The following GDAP1L1 variants were observed in gnomAD, a reference collection of about 807,000 sequenced individuals.
The protein encoded by GDAP1L1 is ganglioside-induced differentiation-associated protein 1-like 1.
In GDAP1L1, 21 loss-of-function variants were observed where a neutral mutation model predicts 37.1. That is an observed-to-expected ratio of 0.57 (90% CI 0.40 to 0.81). The LOEUF (loss-of-function observed/expected upper bound fraction) is 0.81, where lower values mean the gene tolerates loss of function less well. GDAP1L1 is among the 40% of genes least tolerant of loss of function. The probability of loss-of-function intolerance (pLI) is 0.00; values close to 1 mark genes in which losing one functional copy is unlikely to be tolerated. For synonymous variants in GDAP1L1, 193 were observed against 209.1 expected (o/e 0.92, Z 0.67); for missense variants, 362 against 491.6 (o/e 0.74, Z 2.49).
chr20:44,247,446 A>G lies in GDAP1L1; in HGVS notation c.112A>G (p.Ser38Gly), dbSNP rs2073351058. 6.2e-7 allele frequency: 1 copy of G among 1,607,482 alleles called. No individual in the cohort carries two copies. The highest frequency in any genetic ancestry group is 1.7e-5 in the Admixed American group (1 of 59,438). ...GGCCCCCGACGCTCCCGAGGCGGCC[A>G]GCCCCGCCCATTGGCCCAGGGAGAG... ...AEAPDAPEAASPAHWPRESLV... is the reference protein window; with the variant it reads ...AEAPDAPEAAGPAHWPRESLV... The change falls in exon 1 of 6, where the codon AGC (serine) becomes GGC (glycine). Residue 38 changes from serine to glycine, a missense_variant. Transcript: ENST00000342560.
chr20:44,264,002 T>G (rs1003099411), intron 4 of GDAP1L1, among the ~76,000 whole-genome samples: 3 of 152,096 alleles, frequency 2.0e-5, no homozygotes, highest in Non-Finnish European at 4.4e-5. Context: ...CTCAATTGAT[T>G]CCACAGGAAG....
intron 5 of GDAP1L1, among the ~76,000 whole-genome samples, chr20:44,278,168 A>G (rs1349906926): frequency 8.6e-5 from 13 of 151,500 alleles, no homozygotes; most frequent in African/African-American, 1.5e-4. Context: ...AAAAAAAAAA[A>G]AAAGAAAAAG....
At position 44,263,276 on chromosome 20, in the gene GDAP1L1, A is replaced by G; in HGVS notation, c.594A>G (p.Glu198=). 1 of 1,614,138 alleles carries G rather than the reference A, an allele frequency of 6.2e-7. No homozygotes were observed. The highest frequency in any genetic ancestry group is 8.5e-7 in the Non-Finnish European group (1 of 1,179,988). Residue 198 remains glutamate (E), a synonymous_variant, in exon 4 of 6, where the codon GAA becomes GAG. Transcript: ENST00000342560. The part of the protein sequence containing the change: ...ATTDLMKLDH[E]EEPQLSEPYL... ...CGGACCTCATGAAACTGGACCATGA[A>G]GAGGAGCCCCAGCTCTCCGAGCCCT... is the stretch of plus-strand genomic sequence containing the variant.
At chr20:44,247,619 C>T (rs1016908678) in intron 1 of GDAP1L1, 105 bp downstream of exon 1, 6 of 1,142,552 alleles carry the variant, frequency 5.3e-6, no homozygotes, top group Non-Finnish European at 7.2e-6. Flanking sequence ...GAGGGGGGAA[C>T]CTGGGGTTTG....
intron 5 of GDAP1L1, among the ~76,000 whole-genome samples, chr20:44,276,158 G>A (rs1163076384): frequency 2.9e-5 from 4 of 137,082 alleles, no homozygotes; most frequent in African/African-American, 1.1e-4. Flanking sequence ...CCCATCTCTA[G>A]TAAAAATACC....
chr20:44,274,028 T>A (rs963396345), intron 5 of GDAP1L1, among the ~76,000 whole-genome samples: 2 of 152,182 alleles, frequency 1.3e-5, no homozygotes, highest in African/African-American at 4.8e-5. Flanking sequence ...GTCAATAGTT[T>A]AATTCTCCTT....
Position 44,247,366 on chromosome 20 carries a change from A to G in GDAP1L1, c.32A>G (p.Asn11Ser), listed in dbSNP as rs1462706897. 1 of 1,613,194 alleles carries G rather than the reference A, an allele frequency of 6.2e-7. No individual in the cohort carries two copies. Among genetic ancestry groups the G allele is most frequent in the Non-Finnish European group, 8.5e-7 (1 of 1,179,758 alleles). Reference sequence around the variant, plus strand: ...ACCCCCAACAATCTGACCCCCACCAACTGCAGCTGGTGGCCCATCTCCGCG... The same window carrying G: ...ACCCCCAACAATCTGACCCCCACCAGCTGCAGCTGGTGGCCCATCTCCGCG... MATPNNLTPT[N>S]CSWWPISALE... Residue 11 changes from asparagine to serine, a missense_variant, in exon 1 of 6, where the codon AAC (asparagine) becomes AGC (serine). By Grantham distance (46) the Asn-to-Ser change is conservative (BLOSUM62 1). Coordinates refer to ENST00000342560, the MANE Select transcript of GDAP1L1 (RefSeq NM_024034.6).
intron 5 of GDAP1L1, among the ~76,000 whole-genome samples, chr20:44,274,686 T>A (rs1312596405): frequency 6.6e-6 from 1 of 152,194 alleles, no homozygotes; most frequent in East Asian, 1.9e-4. Flanking sequence ...CTGGTTTCTC[T>A]TGGTGTCAAT....
At chr20:44,257,624 G>A (rs1362782117) in intron 2 of GDAP1L1, among the ~76,000 whole-genome samples, 2 of 152,074 alleles carry the variant, frequency 1.3e-5, no homozygotes, top group Non-Finnish European at 2.9e-5. Flanking sequence ...CAGGAGCAGT[G>A]GGGCTATAGC....
chr20:44,255,023 AG>A (rs2073512671), intron 1 of GDAP1L1, among the ~76,000 whole-genome samples: 1 of 152,272 alleles, frequency 6.6e-6, no homozygotes, highest in African/African-American at 2.4e-5. Flanking sequence ...AGAGAGAGCA[AG>A]TGACTTGTTC....
chr20:44,249,556 A>C (rs1222573153), intron 1 of GDAP1L1, among the ~76,000 whole-genome samples: 1 of 152,186 alleles, frequency 6.6e-6, no homozygotes, highest in East Asian at 1.9e-4. Context: ...GGGACCAGAC[A>C]GGGGGCAGGG....
chr20:44,278,211 T>A (rs1180860151), intron 5 of GDAP1L1, among the ~76,000 whole-genome samples: 1 of 151,228 alleles, frequency 6.6e-6, no homozygotes, highest in Non-Finnish European at 1.5e-5. Flanking sequence ...TTCCGAGGCT[T>A]TTGGGCGGAG....
rs1423272020 is a variant in GDAP1L1, at chr20:44,264,319, C to T, written c.646-126C>T. ...GGGTGCTTCATAACGGGGGGGCATC[C>T]TATACACTTGGGGGGCATTTGGAGG... is the stretch of plus-strand genomic sequence containing the variant. On this transcript the variant is annotated intron_variant, in intron 4 of 5. Transcript: ENST00000342560. 10 of 1,268,748 alleles carry T rather than the reference C, an allele frequency of 7.9e-6. No homozygotes were observed. In the Admixed American group the frequency reaches 3.4e-4, roughly 43 times the overall value. The allele number at this position is 1,268,748 out of a possible 1,614,324, so 78.6% of individuals were successfully genotyped here.
In GDAP1L1 at chr20:44,278,020, G is replaced by T. The variant is rs141322221; in HGVS notation, c.761-937G>T. Reference sequence around the variant, plus strand: ...AATACAAAAATTAGCCAAGCATGGTGGTGCACACCTGTAATCCCAGCTATT... The same window carrying T: ...AATACAAAAATTAGCCAAGCATGGTTGTGCACACCTGTAATCCCAGCTATT... On this transcript the variant is annotated intron_variant, in intron 5 of 5. Coordinates refer to ENST00000342560, the MANE Select transcript of GDAP1L1 (RefSeq NM_024034.6). Among the ~76,000 whole-genome samples the T allele has an allele frequency of 1.5e-3, 223 of 152,092 alleles. 1 individual carries two copies. Among genetic ancestry groups the T allele is most frequent in the African/African-American group, 4.7e-3 (196 of 41,496 alleles).
At chr20:44,267,041 T>C (rs942228151) in intron 5 of GDAP1L1, among the ~76,000 whole-genome samples, 1 of 152,198 alleles carries the variant, frequency 6.6e-6, no homozygotes, top group Non-Finnish European at 1.5e-5. Context: ...CTGGGCTGCA[T>C]GTGGCCCGCG....
chr20:44,257,169 C>T lies in GDAP1L1; in HGVS notation c.197C>T (p.Ala66Val), dbSNP rs1236536809. The part of the protein sequence containing the change: ...FSSQKVRLVI[A>V]EKGLVCEERD... ...CGCCTGCAGGTGCGGCTGGTGATCG[C>T]CGAGAAGGGCCTGGTGTGCGAGGAG... The change falls in exon 2 of 6, where the codon GCC becomes GTC. Residue 66 changes from alanine to valine, a missense_variant. Physicochemically the swap from Ala to Val is moderately conservative, Grantham distance 64. Transcript: ENST00000342560. The T allele has an allele frequency of 5.0e-6, 8 of 1,595,850 alleles. No homozygotes were observed. The highest frequency in any genetic ancestry group is 6.8e-6 in the Non-Finnish European group (8 of 1,173,034).
At chr20:44,274,566 C>CTGTCTG (rs1253956622) in intron 5 of GDAP1L1, among the ~76,000 whole-genome samples, 2 of 152,236 alleles carry the variant, frequency 1.3e-5, no homozygotes, top group African/African-American at 4.8e-5. Context: ...CATGTGAACA[C>CTGTCTG]AGCTGAGCAC....
Position 44,263,364 on chromosome 20 carries a change from C to A in GDAP1L1, c.645+37C>A, listed in dbSNP as rs373597870. ...CCGGCCTGCTGAGTCCCCTTCCCTA[C>A]GAGCTCTTCCACGGAAATGAACAAT... On this transcript the variant is annotated intron_variant, in intron 4 of 5. Transcript: ENST00000342560. 22 of 1,338,202 alleles carry A rather than the reference C, an allele frequency of 1.6e-5. No homozygotes were observed. In the South Asian group the frequency reaches 1.9e-4, roughly 11 times the overall value. 82.9% of individuals were successfully genotyped at this position (1,338,202 alleles called of 1,614,324 possible).
Position 44,279,324 on chromosome 20 carries a change from T to C in GDAP1L1, c.*24T>C. 1 of 1,427,986 alleles carries C rather than the reference T, an allele frequency of 7.0e-7. No homozygotes were observed. The highest frequency in any genetic ancestry group is 9.8e-7 in the Non-Finnish European group (1 of 1,019,594). The allele number at this position is 1,427,986 out of a possible 1,614,324, so 88.5% of individuals were successfully genotyped here. A position where few individuals can be genotyped will look rare whatever the true frequency, so the allele number is the denominator to read the frequency against. On this transcript the variant is annotated 3_prime_UTR_variant, in exon 6 of 6. Transcript: ENST00000342560. The stretch of plus-strand genomic sequence containing the variant: ...AGGGCCAGGCCTGGGGCTTGGTGTC[T>C]GACTGTCGGTGTCTCTGTGCTGTGT...
Sources: gnomAD v4.1 joint callset for allele counts (sites outside exome capture counted in the v4.1 genomes callset) on GRCh38, gnomAD v4.1.1 for gene constraint, MANE v1.5 for transcripts, NCBI Gene and HGNC (gene_info 2026-07-23, HGNC 2026-07-21) for gene names.